Variants in NAA11 observed in about 807,000 individuals in gnomAD.
NAA11 encodes N-alpha-acetyltransferase 11.
NAA11 carries 15 observed loss-of-function variants against 16.1 expected under a neutral mutation model. The ratio of observed to expected loss-of-function variants is 0.93; its 90% CI spans 0.62 to 1.44. The LOEUF (loss-of-function observed/expected upper bound fraction) is 1.44, where lower values mean the gene tolerates loss of function less well. NAA11 is among the 40% of genes most tolerant of loss of function. The pLI, the probability that NAA11 is intolerant of heterozygous loss-of-function variation, is 0.00. For missense variants in NAA11, 298 were observed against 291.3 expected, an observed-to-expected ratio of 1.02 and a Z score of -0.17; for synonymous variants, 122 against 112.4, an observed-to-expected ratio of 1.09 and a Z score of -0.54.
chr4:79,268,896 C>CTG (rs1450072876), intron 2 of NAA11, among the ~76,000 whole-genome samples: 4 of 130,524 alleles, frequency 3.1e-5, no homozygotes, highest in African/African-American at 1.2e-4. Context: ...ATTCCCCTTC[C>CTG]TGTGTCCATG....
At chr4:79,276,919 A>G (rs1428848769) in intron 2 of NAA11, among the ~76,000 whole-genome samples, 1 of 152,174 alleles carries the variant, frequency 6.6e-6, no homozygotes, top group Non-Finnish European at 1.5e-5. Context: ...GATAAACTAC[A>G]TCTATTACAA....
chr4:79,196,567 CA>C, the NAA11 span, among the ~76,000 whole-genome samples: 2 of 151,888 alleles, frequency 1.3e-5, no homozygotes, highest in Non-Finnish European at 2.9e-5. Flanking sequence ...TTGTAGGACT[CA>C]AACTAGAACT....
At chr4:79,160,042 A>G in the NAA11 span, among the ~76,000 whole-genome samples, 1 of 145,418 alleles carries the variant, frequency 6.9e-6, no homozygotes, top group East Asian at 2.0e-4. Context: ...CCCAGGCTGG[A>G]GTGCAATGGT....
the NAA11 span, among the ~76,000 whole-genome samples, chr4:79,162,457 C>G: frequency 7.7e-4 from 117 of 152,256 alleles, 1 homozygote; most frequent in Non-Finnish European, 1.4e-3. Flanking sequence ...GCAAGAGTGA[C>G]CCAGCTGCAC....
chr4:79,170,958 A>C, the NAA11 span, among the ~76,000 whole-genome samples: 2 of 152,178 alleles, frequency 1.3e-5, no homozygotes, highest in East Asian at 1.9e-4. Context: ...GCATTCACTA[A>C]AATCCAAGCT....
At chr4:79,266,054 G>C (rs1380159613) in intron 2 of NAA11, among the ~76,000 whole-genome samples, 2 of 152,116 alleles carry the variant, frequency 1.3e-5, no homozygotes, top group Admixed American at 1.3e-4. Flanking sequence ...TGTCCAGGGT[G>C]GCTGTCTATG....
intron 2 of NAA11, among the ~76,000 whole-genome samples, chr4:79,230,128 T>C (rs1721424036): frequency 6.6e-6 from 1 of 151,948 alleles, no homozygotes. Context: ...ATCCAGTCTA[T>C]CATTGTTGGA....
downstream of NAA11, among the ~76,000 whole-genome samples, chr4:79,315,730 C>CAA (rs199872768): frequency 6.6e-6 from 1 of 151,150 alleles, no homozygotes; most frequent in Non-Finnish European, 1.5e-5. Flanking sequence ...AATGCTATTA[C>CAA]AAAAAAAATG....
downstream of NAA11, among the ~76,000 whole-genome samples, chr4:79,312,908 A>G (rs1269315073): frequency 6.6e-6 from 1 of 152,204 alleles, no homozygotes; most frequent in African/African-American, 2.4e-5. Context: ...GCTTTACCTG[A>G]AAAATATATT....
chr4:79,181,168 T>C, the NAA11 span, among the ~76,000 whole-genome samples: 10 of 151,190 alleles, frequency 6.6e-5, no homozygotes, highest in African/African-American at 2.4e-4. Context: ...ACATGGCACA[T>C]GTATACATAT....
At chr4:79,190,667 T>A in the NAA11 span, among the ~76,000 whole-genome samples, 1 of 152,054 alleles carries the variant, frequency 6.6e-6, no homozygotes, top group Non-Finnish European at 1.5e-5. Flanking sequence ...TTTTTTTAAA[T>A]TTTTTAAGTT....
In NAA11 at chr4:79,319,745, T is replaced by A. The variant is rs140976434; in HGVS notation, c.*13-1954A>T. On this transcript the variant is annotated intron_variant, in intron 1 of 1. Coordinates refer to ENST00000286794, the MANE Select transcript of NAA11 (RefSeq NM_032693.3). ...CTTCCCAACCCCCTCTTTATCTTCA[T>A]AGAGTGCAGTTGCATTTGAAATCTA... Among the ~76,000 whole-genome samples the A allele has an allele frequency of 2.3e-3, 346 of 152,308 alleles. 1 individual carries two copies. Among genetic ancestry groups the A allele is most frequent in the African/African-American group, 7.7e-3 (321 of 41,570 alleles).
the NAA11 span, among the ~76,000 whole-genome samples, chr4:79,157,898 A>ATTTT: frequency 7.9e-6 from 1 of 125,978 alleles, no homozygotes. Flanking sequence ...ATTGCTGATG[A>ATTTT]TTTTTTTTTT....
the NAA11 span, among the ~76,000 whole-genome samples, chr4:79,187,956 G>T: frequency 1.5e-5 from 2 of 136,748 alleles, no homozygotes; most frequent in Non-Finnish European, 3.0e-5. Context: ...CCGAGATCGC[G>T]CCACTGCACT....
chr4:79,218,652 C>G, the NAA11 span, among the ~76,000 whole-genome samples: 3 of 151,918 alleles, frequency 2.0e-5, no homozygotes, highest in Admixed American at 1.3e-4. Context: ...AACCTCAATT[C>G]CGCTATTTTT....
downstream of NAA11, among the ~76,000 whole-genome samples, chr4:79,315,125 C>T (rs549018575): frequency 1.3e-3 from 194 of 151,640 alleles, no homozygotes; most frequent in African/African-American, 3.8e-3. Context: ...AGTGTGGTTC[C>T]GGGACCAGCA....
At chr4:79,175,681 C>T in the NAA11 span, among the ~76,000 whole-genome samples, 4 of 149,354 alleles carry the variant, frequency 2.7e-5, no homozygotes, top group African/African-American at 1.0e-4. Flanking sequence ...ACCTTGAAGC[C>T]GGGAGTTCTG....
In NAA11 at chr4:79,325,959, C is replaced by G. The variant is rs1010122159; in HGVS notation, c.-82G>C. 1.3e-5 allele frequency: 17 copies of G among 1,292,366 alleles called. No individual in the cohort carries two copies. The highest frequency in any genetic ancestry group is 2.4e-5 in the East Asian group (1 of 41,556). 80.1% of individuals were successfully genotyped at this position (1,292,366 alleles called of 1,614,324 possible). On this transcript the variant is annotated 5_prime_UTR_variant, in exon 1 of 2. Transcript: ENST00000286794. ...CGACCTTAAGGGGCACTGTTTGCCTCAGGAATCGAGTCCAGGGGGCTAACA... is the reference window on the plus strand; with the variant it reads ...CGACCTTAAGGGGCACTGTTTGCCTGAGGAATCGAGTCCAGGGGGCTAACA...
At chr4:79,288,112 G>C (rs542892317) in intron 2 of NAA11, among the ~76,000 whole-genome samples, 1 of 152,256 alleles carries the variant, frequency 6.6e-6, no homozygotes. Flanking sequence ...GAGGGAACTG[G>C]TGCAGAAGAT....
Sources: allele counts gnomAD v4.1 joint callset (sites outside exome capture counted in the v4.1 genomes callset), GRCh38; gene constraint gnomAD v4.1.1; transcripts MANE v1.5; gene names NCBI Gene and HGNC (gene_info 2026-07-23, HGNC 2026-07-21).